Variants in PEAK1 observed in about 807,000 individuals in gnomAD.
The protein encoded by PEAK1 is inactive tyrosine-protein kinase PEAK1.
A neutral mutation model predicts 124.7 loss-of-function variants in PEAK1; 54 were observed. The ratio of observed to expected loss-of-function variants is 0.43; its 90% CI spans 0.35 to 0.54. The LOEUF is 0.54. Among genes scored for constraint, PEAK1 ranks in the 20% least tolerant of loss-of-function variants. The pLI, the probability that PEAK1 is intolerant of heterozygous loss-of-function variation, is 0.01. For missense variants in PEAK1, 2,046 were observed against 2,134.5 expected, an observed-to-expected ratio of 0.96 and a Z score of 0.82; for synonymous variants, 719 against 760.0, an observed-to-expected ratio of 0.95 and a Z score of 0.89.
At chr15:77,140,305 G>A (rs2053670244) in intron 8 of PEAK1, among the ~76,000 whole-genome samples, 1 of 79,938 alleles carries the variant, frequency 1.3e-5, no homozygotes, top group African/African-American at 3.6e-5. Flanking sequence ...GAAAACTAGA[G>A]ACTGTCTTTT....
chr15:77,202,612 A>C (rs72475989), intron 6 of PEAK1, among the ~76,000 whole-genome samples: 3 of 148,564 alleles, frequency 2.0e-5, no homozygotes, highest in Non-Finnish European at 4.5e-5. Flanking sequence ...TAAAAAAAAT[A>C]AAAAAAAAAT....
intron 1 of PEAK1, chr15:77,403,904 T>A (rs1288439180): frequency 2.0e-5 from 20 of 983,840 alleles, no homozygotes; most frequent in Non-Finnish European, 2.3e-5. Context: ...TGACTTTTTT[T>A]AATTTCCAAC....
At chr15:77,326,792 CAT>C (rs763728672) in intron 2 of PEAK1, among the ~76,000 whole-genome samples, 29 of 152,170 alleles carry the variant, frequency 1.9e-4, no homozygotes, top group Non-Finnish European at 4.1e-4. Flanking sequence ...AACAGCTTGA[CAT>C]GTGGGATATA....
chr15:77,400,795 G>A (rs1363256962), intron 1 of PEAK1, among the ~76,000 whole-genome samples: 3 of 152,116 alleles, frequency 2.0e-5, no homozygotes, highest in Non-Finnish European at 4.4e-5. Context: ...ATAGCTGACT[G>A]CAATGATTAC....
In PEAK1 at chr15:77,299,237, T is replaced by C. The variant is rs531000677; in HGVS notation, c.-602-12733A>G. ...ATATTTCATTGATCAGATGTATTCTTAATGAATGTCTCCTCTTATCCACTC... is the reference window on the plus strand; with the variant it reads ...ATATTTCATTGATCAGATGTATTCTCAATGAATGTCTCCTCTTATCCACTC... On this transcript the variant is annotated intron_variant, in intron 2 of 9. Coordinates refer to ENST00000682557, the MANE Select transcript of PEAK1 (RefSeq NM_001385026.1). Among the ~76,000 whole-genome samples, 6 of 152,358 alleles carry C rather than the reference T, an allele frequency of 3.9e-5. No individual in the cohort carries two copies. In the South Asian group the frequency reaches 1.0e-3, roughly 26 times the overall value.
intron 6 of PEAK1, among the ~76,000 whole-genome samples, chr15:77,199,092 C>A (rs964136314): frequency 1.3e-5 from 2 of 152,124 alleles, no homozygotes; most frequent in Admixed American, 6.5e-5. Flanking sequence ...TGGGACTATC[C>A]CTATCTATAA....
intron 5 of PEAK1, among the ~76,000 whole-genome samples, chr15:77,257,706 T>G (rs530877868): frequency 3.3e-5 from 5 of 152,182 alleles, no homozygotes; most frequent in South Asian, 4.1e-4. Context: ...TAGTTTCTTT[T>G]GCTGTGCAGA....
intron 2 of PEAK1, among the ~76,000 whole-genome samples, chr15:77,297,516 T>A (rs574573336): frequency 6.6e-6 from 1 of 151,832 alleles, no homozygotes; most frequent in African/African-American, 2.4e-5. Context: ...CATGGGGCAG[T>A]TTATCTTAGT....
chr15:77,154,174 T>C (rs987909323), intron 8 of PEAK1, among the ~76,000 whole-genome samples: 1 of 152,222 alleles, frequency 6.6e-6, no homozygotes, highest in Non-Finnish European at 1.5e-5. Flanking sequence ...TGCTCCTGTA[T>C]TGGGTGCATA....
chr15:77,401,612 A>G (rs1343004283), intron 1 of PEAK1: 55 of 984,422 alleles, frequency 5.6e-5, no homozygotes, highest in Non-Finnish European at 6.5e-5. Context: ...AGCTACAAAC[A>G]TATCTTTGTA....
intron 2 of PEAK1, among the ~76,000 whole-genome samples, chr15:77,362,425 G>A (rs928184480): frequency 6.6e-6 from 1 of 151,826 alleles, no homozygotes; most frequent in African/African-American, 2.4e-5. Flanking sequence ...AGTCACTAGG[G>A]AAATACAAAT....
intron 6 of PEAK1, among the ~76,000 whole-genome samples, chr15:77,228,113 T>A (rs2059757449): frequency 6.6e-6 from 1 of 151,948 alleles, no homozygotes. Flanking sequence ...ATTTCTATTT[T>A]TTATTTATTA....
At chr15:77,167,990 T>C (rs2056231384) in intron 7 of PEAK1, among the ~76,000 whole-genome samples, 1 of 152,126 alleles carries the variant, frequency 6.6e-6, no homozygotes, top group African/African-American at 2.4e-5. Context: ...ATGCGGTGTT[T>C]GGTTTTCTGT....
chr15:77,280,047 A>C lies in PEAK1; in HGVS notation c.-275+3836T>G, dbSNP rs565242766. On this transcript the variant is annotated intron_variant, in intron 5 of 9. Transcript: ENST00000682557. ...TGTTAAAGCTCACAGAACTTATGTT[A>C]AGTCAGTTTTGGGCCGGGCATAGTG... Among the ~76,000 whole-genome samples the C allele has an allele frequency of 7.2e-5, 11 of 152,284 alleles. No homozygotes were observed. In the South Asian group the frequency reaches 2.1e-3, roughly 29 times the overall value.
intron 1 of PEAK1, among the ~76,000 whole-genome samples, chr15:77,370,444 A>C (rs1220889299): frequency 6.6e-6 from 1 of 152,226 alleles, no homozygotes; most frequent in Non-Finnish European, 1.5e-5. Flanking sequence ...GTCTTTGAGT[A>C]AGATATGAGA....
chr15:77,263,530 C>A (rs888050524), intron 5 of PEAK1, among the ~76,000 whole-genome samples: 14 of 152,124 alleles, frequency 9.2e-5, no homozygotes, highest in African/African-American at 2.7e-4. Context: ...TCCTCGACAC[C>A]TACACCCTCC....
At chr15:77,304,077 CTTGA>C (rs2063933626) in intron 2 of PEAK1, among the ~76,000 whole-genome samples, 1 of 152,194 alleles carries the variant, frequency 6.6e-6, no homozygotes. Context: ...ACCATAGTAT[CTTGA>C]TTATCGTGGC....
At chr15:77,375,299 G>C (rs1480725932) in intron 1 of PEAK1, among the ~76,000 whole-genome samples, 1 of 152,122 alleles carries the variant, frequency 6.6e-6, no homozygotes, top group Non-Finnish European at 1.5e-5. Flanking sequence ...TCTCGCCACA[G>C]TCAGCTAGTA....
chr15:77,153,044 G>C (rs888343332), intron 8 of PEAK1, among the ~76,000 whole-genome samples: 14 of 152,084 alleles, frequency 9.2e-5, no homozygotes, highest in African/African-American at 3.4e-4. Flanking sequence ...CTATTGATTG[G>C]AATAGTTTCA....
Sources: gnomAD v4.1 joint callset for allele counts (sites outside exome capture counted in the v4.1 genomes callset) on GRCh38, gnomAD v4.1.1 for gene constraint, MANE v1.5 for transcripts, NCBI Gene and HGNC (gene_info 2026-07-23, HGNC 2026-07-21) for gene names.